Variants in SUGCT observed in about 807,000 individuals in gnomAD.
The protein encoded by SUGCT is succinyl-CoA:glutarate CoA-transferase.
SUGCT carries 41 observed loss-of-function variants against 55.0 expected under a neutral mutation model. That is an observed-to-expected ratio of 0.74 (90% CI 0.58 to 0.97). The LOEUF (loss-of-function observed/expected upper bound fraction) is 0.97, where lower values mean the gene tolerates loss of function less well. Ranked by LOEUF, SUGCT falls within the 50% of genes least tolerant of loss-of-function variation. The pLI is 0.00. For missense variants in SUGCT, 568 were observed against 547.8 expected (o/e 1.04, Z -0.37); for synonymous variants, 187 against 200.4 (o/e 0.93, Z 0.56).
chr7:40,265,066 G>A (rs908524184), intron 7 of SUGCT, among the ~76,000 whole-genome samples: 8 of 152,248 alleles, frequency 5.3e-5, no homozygotes, highest in African/African-American at 1.7e-4. Flanking sequence ...AGGTTGTGTG[G>A]TTAGTAAATG....
chr7:40,376,957 G>A (rs13221876), intron 9 of SUGCT, among the ~76,000 whole-genome samples: 14,867 of 150,896 alleles, frequency 0.099, 894 homozygotes, highest in Non-Finnish European at 0.15. Context: ...TTCCCCCAGC[G>A]TGTTAAAAAT....
chr7:40,717,271 A>G (rs1584328290), intron 12 of SUGCT, among the ~76,000 whole-genome samples: 1 of 152,192 alleles, frequency 6.6e-6, no homozygotes, highest in Non-Finnish European at 1.5e-5. Context: ...GCTCGCGGAC[A>G]CATAGAAGGG....
chr7:40,744,712 A>G (rs182315405), intron 12 of SUGCT, among the ~76,000 whole-genome samples: 4 of 152,340 alleles, frequency 2.6e-5, no homozygotes, highest in Admixed American at 1.3e-4. Context: ...ATAAAGCTTT[A>G]TGTCCTAACC....
Position 40,446,260 on chromosome 7 carries a change from T to C in SUGCT, c.817-3027T>C, listed in dbSNP as rs1336874132. ...ATAAACTTATTGGACATATCACTGATCCAAAATTTGGCAAGCCTTTCTTCA... is the reference window on the plus strand; with the variant it reads ...ATAAACTTATTGGACATATCACTGACCCAAAATTTGGCAAGCCTTTCTTCA... On this transcript the variant is annotated intron_variant, in intron 9 of 13. Transcript: ENST00000335693. Among the ~76,000 whole-genome samples the C allele has an allele frequency of 2.6e-5, 4 of 152,146 alleles. No individual in the cohort carries two copies. In the East Asian group the frequency reaches 5.8e-4, roughly 22 times the overall value.
At chr7:40,367,419 T>C (rs1784051041) in intron 9 of SUGCT, among the ~76,000 whole-genome samples, 1 of 144,696 alleles carries the variant, frequency 6.9e-6, no homozygotes. Flanking sequence ...AGTATAATAA[T>C]AATAAAATAA....
the SUGCT span, among the ~76,000 whole-genome samples, chr7:40,976,800 G>A: frequency 6.6e-5 from 10 of 152,266 alleles, no homozygotes; most frequent in African/African-American, 2.4e-4. Flanking sequence ...AGACCCCAAA[G>A]GTTTAAAGCA....
chr7:40,963,335 A>C, the SUGCT span, among the ~76,000 whole-genome samples: 3 of 152,134 alleles, frequency 2.0e-5, no homozygotes, highest in African/African-American at 7.2e-5. Flanking sequence ...TGAGATGGAG[A>C]TAGATTTCTT....
At chr7:40,314,313 T>A (rs1280849687) in intron 8 of SUGCT, among the ~76,000 whole-genome samples, 1 of 152,138 alleles carries the variant, frequency 6.6e-6, no homozygotes, top group East Asian at 1.9e-4. Flanking sequence ...ATTAGAGAAG[T>A]AGAAATAACA....
chr7:40,389,252 C>A (rs1785280640), intron 9 of SUGCT, among the ~76,000 whole-genome samples: 1 of 151,990 alleles, frequency 6.6e-6, no homozygotes, highest in Non-Finnish European at 1.5e-5. Flanking sequence ...GAGTTTGAGA[C>A]CAGCCTGGGC....
At chr7:40,729,370 C>T (rs900822418) in intron 12 of SUGCT, among the ~76,000 whole-genome samples, 3 of 152,156 alleles carry the variant, frequency 2.0e-5, no homozygotes, top group Non-Finnish European at 4.4e-5. Flanking sequence ...ATCATAAATT[C>T]TATAATGTGT....
intron 12 of SUGCT, among the ~76,000 whole-genome samples, chr7:40,747,906 T>A (rs1787813200): frequency 6.6e-6 from 1 of 152,128 alleles, no homozygotes. Flanking sequence ...ATCCACCACC[T>A]TTAGTTGGAG....
chr7:40,391,152 TA>T (rs1286208704), intron 9 of SUGCT, among the ~76,000 whole-genome samples: 1 of 152,158 alleles, frequency 6.6e-6, no homozygotes, highest in Non-Finnish European at 1.5e-5. Flanking sequence ...ATTAAAGACT[TA>T]AATGTTAGAC....
At chr7:40,544,722 T>A (rs547129770) in intron 12 of SUGCT, among the ~76,000 whole-genome samples, 1 of 152,276 alleles carries the variant, frequency 6.6e-6, no homozygotes, top group South Asian at 2.1e-4. Context: ...CATACTGACA[T>A]TGGTAGTAGC....
chr7:40,148,335 G>A (rs1788373864), intron 1 of SUGCT, among the ~76,000 whole-genome samples: 1 of 152,156 alleles, frequency 6.6e-6, no homozygotes, highest in African/African-American at 2.4e-5. Context: ...AATATGAATG[G>A]ACTGTCAGTT....
At chr7:40,652,851 C>A (rs1477010186) in intron 12 of SUGCT, among the ~76,000 whole-genome samples, 1 of 152,188 alleles carries the variant, frequency 6.6e-6, no homozygotes, top group African/African-American at 2.4e-5. Context: ...ACCTTAATGA[C>A]CTTCTTATCC....
At chr7:40,482,634 C>G (rs1031859885) in intron 11 of SUGCT, among the ~76,000 whole-genome samples, 7 of 152,122 alleles carry the variant, frequency 4.6e-5, no homozygotes, top group African/African-American at 9.7e-5. Flanking sequence ...GGGTAACTTT[C>G]CTATATTATG....
rs560930665 is a variant in SUGCT at position 40,558,242 on chromosome 7, G to A, written c.1089+61856G>A. The stretch of plus-strand genomic sequence containing the variant: ...TCCAGAAGTTAAACATAAAATTATT[G>A]TAAGATCTATTAATTCCACTCCTGG... On this transcript the variant is annotated intron_variant, in intron 12 of 13. Transcript: ENST00000335693. 5.9e-5 allele frequency among the ~76,000 whole-genome samples: 9 copies of A among 152,224 alleles called. No homozygotes were observed. In the South Asian group the frequency reaches 1.9e-3, roughly 32 times the overall value.
intron 12 of SUGCT, among the ~76,000 whole-genome samples, chr7:40,667,763 C>A (rs1266634150): frequency 6.6e-6 from 1 of 151,990 alleles, no homozygotes; most frequent in Non-Finnish European, 1.5e-5. Context: ...CTCTGAGGAT[C>A]TTTTGTATTT....
At chr7:40,615,643 A>T (rs1050828669) in intron 12 of SUGCT, among the ~76,000 whole-genome samples, 1 of 152,168 alleles carries the variant, frequency 6.6e-6, no homozygotes, top group Non-Finnish European at 1.5e-5. Flanking sequence ...AGAATACATG[A>T]TCTCCTAGGT....
Sources: gnomAD v4.1 joint callset for allele counts (sites outside exome capture counted in the v4.1 genomes callset) on GRCh38, gnomAD v4.1.1 for gene constraint, MANE v1.5 for transcripts, NCBI Gene and HGNC (gene_info 2026-07-23, HGNC 2026-07-21) for gene names.